The following NTM variants were observed in gnomAD, a reference collection of about 807,000 sequenced individuals.
The protein encoded by NTM is neurotrimin.
Under a neutral mutation model 42.1 loss-of-function variants are expected in NTM, and 13 were observed. The ratio of observed to expected loss-of-function variants is 0.31; its 90% CI spans 0.20 to 0.49. NTM has a LOEUF of 0.49. Ranked by LOEUF, NTM falls within the 20% of genes least tolerant of loss-of-function variation. The probability of loss-of-function intolerance (pLI) is 0.99; values close to 1 mark genes in which losing one functional copy is unlikely to be tolerated. For synonymous variants in NTM, 187 were observed against 179.2 expected, an observed-to-expected ratio of 1.04 and a Z score of -0.35; for missense variants, 373 against 452.8, an observed-to-expected ratio of 0.82 and a Z score of 1.60.
At chr11:131,651,514 G>A (rs1014962617) in intron 1 of NTM, among the ~76,000 whole-genome samples, 2 of 152,148 alleles carry the variant, frequency 1.3e-5, no homozygotes, top group Admixed American at 6.5e-5. Flanking sequence ...CGGGACTAGT[G>A]CATTTAAATC....
intron 1 of NTM, among the ~76,000 whole-genome samples, chr11:131,547,323 AAG>A (rs1349459953): frequency 2.6e-5 from 4 of 152,192 alleles, no homozygotes; most frequent in African/African-American, 9.7e-5. Flanking sequence ...ATTTAACAAA[AAG>A]AGAAAAGGGG....
intron 1 of NTM, among the ~76,000 whole-genome samples, chr11:131,444,104 A>C (rs1949830810): frequency 6.6e-6 from 1 of 151,904 alleles, no homozygotes; most frequent in South Asian, 2.1e-4. Flanking sequence ...ATAGTTAGTT[A>C]AAAGAATGAG....
At chr11:131,979,696 G>A (rs1425349045) in intron 2 of NTM, among the ~76,000 whole-genome samples, 1 of 152,190 alleles carries the variant, frequency 6.6e-6, no homozygotes, top group Non-Finnish European at 1.5e-5. Flanking sequence ...TGCCCAAAAG[G>A]CGGTACTACA....
chr11:132,111,865 A>G (rs866612590), intron 2 of NTM, among the ~76,000 whole-genome samples: 2 of 152,254 alleles, frequency 1.3e-5, no homozygotes, highest in South Asian at 2.1e-4. Flanking sequence ...ATGCTTCACC[A>G]CTAGTTTGAA....
chr11:132,260,981 C>G (rs1433692012), intron 4 of NTM, among the ~76,000 whole-genome samples: 1 of 152,130 alleles, frequency 6.6e-6, no homozygotes, highest in Non-Finnish European at 1.5e-5. Context: ...GAAATGGGGT[C>G]ATGGAAAGAG....
rs1158981818 is a variant in NTM, at chr11:131,789,424, AAGAAGGAAGAAGAAGAAG to A, written c.83-122138_83-122121del. Reference sequence around the variant, plus strand: ...ATTGCTGCAGTTAAAAGAAAAAAAGAAGAAGGAAGAAGAAGAAGAAGAAGAAGAAGAAGAAGAAGAAGA... The same window carrying A: ...ATTGCTGCAGTTAAAAGAAAAAAAGAAAGAAGAAGAAGAAGAAGAAGAAGA... On this transcript the variant is annotated intron_variant, in intron 1 of 8. Coordinates refer to ENST00000683400, the MANE Select transcript of NTM (RefSeq NM_001352005.2). Among the ~76,000 whole-genome samples, 2 of 22,078 alleles carry A rather than the reference AAGAAGGAAGAAGAAGAAG, an allele frequency of 9.1e-5. 1 individual carries two copies. Among genetic ancestry groups the A allele is most frequent in the Non-Finnish European group, 1.6e-4 (2 of 12,328 alleles). 14.5% of individuals were successfully genotyped at this position (22,078 alleles called of 152,430 possible).
chr11:132,233,675 T>C (rs1348311275), intron 4 of NTM, among the ~76,000 whole-genome samples: 1 of 152,230 alleles, frequency 6.6e-6, no homozygotes, highest in Non-Finnish European at 1.5e-5. Context: ...AGTGGAGTAG[T>C]TGCAACTAGA....
At chr11:132,110,637 G>A (rs1288193623) in intron 2 of NTM, among the ~76,000 whole-genome samples, 1 of 152,132 alleles carries the variant, frequency 6.6e-6, no homozygotes, top group Non-Finnish European at 1.5e-5. Flanking sequence ...AAAATATACT[G>A]TTATTTCTAA....
chr11:131,959,955 A>C (rs11600172), intron 2 of NTM, among the ~76,000 whole-genome samples: 42,119 of 152,126 alleles, frequency 0.28, 6,117 homozygotes, highest in Middle Eastern at 0.44. Context: ...TGCAGGTACA[A>C]CAGCATGTAC....
intron 1 of NTM, among the ~76,000 whole-genome samples, chr11:131,791,272 G>A (rs1370993394): frequency 2.0e-5 from 3 of 152,130 alleles, no homozygotes; most frequent in African/African-American, 7.2e-5. Context: ...AGATGAATAA[G>A]GTACTTGCAG....
chr11:132,072,928 T>A (rs907092746), intron 2 of NTM, among the ~76,000 whole-genome samples: 1 of 152,174 alleles, frequency 6.6e-6, no homozygotes, highest in Admixed American at 6.5e-5. Context: ...AATAAGCTTT[T>A]GACAAACACT....
chr11:131,371,187 A>G, intron 1 of NTM: 20 of 732,308 alleles, frequency 2.7e-5, no homozygotes, highest in Non-Finnish European at 3.3e-5. Context: ...TTGCACACAT[A>G]CACAACGGAG....
chr11:131,717,342 A>G (rs183388183), intron 1 of NTM, among the ~76,000 whole-genome samples: 1 of 152,314 alleles, frequency 6.6e-6, no homozygotes, highest in Non-Finnish European at 1.5e-5. Flanking sequence ...TTTTAACAAT[A>G]TTGAGTCTCA....
At chr11:132,052,819 C>A (rs373558613) in intron 2 of NTM, among the ~76,000 whole-genome samples, 3 of 149,938 alleles carry the variant, frequency 2.0e-5, no homozygotes, top group Non-Finnish European at 4.4e-5. Flanking sequence ...GCTCATTTAA[C>A]CTTTTAGTAA....
chr11:132,115,959 C>T (rs11222941), intron 2 of NTM, among the ~76,000 whole-genome samples: 1 of 152,328 alleles, frequency 6.6e-6, no homozygotes, highest in African/African-American at 2.4e-5. Flanking sequence ...CCTTGTAATG[C>T]TCTTTGCCCC....
At position 132,310,092 on chromosome 11, in the gene NTM, G is replaced by A; in HGVS notation, c.662-20G>A. On this transcript the variant is annotated intron_variant, in intron 5 of 8. Coordinates refer to ENST00000683400, the MANE Select transcript of NTM (RefSeq NM_001352005.2). Reference sequence around the variant, plus strand: ...AAAAAAAAGGTGGGGGGGCGGCTATGAGACATCTTCTTTTTGCAGATCCAC... The same window carrying A: ...AAAAAAAAGGTGGGGGGGCGGCTATAAGACATCTTCTTTTTGCAGATCCAC... 6.4e-7 allele frequency: 1 copy of A among 1,554,558 alleles called. No individual in the cohort carries two copies.
Position 131,951,475 on chromosome 11 carries a change from C to G in NTM, c.167+39827C>G, listed in dbSNP as rs141275150. ...CTCTCCACCCTATTAACCTGCTCCT[C>G]TGAATAAGGAGCTGTCCACACAGAA... On this transcript the variant is annotated intron_variant, in intron 2 of 8. Transcript: ENST00000683400. Among the ~76,000 whole-genome samples the G allele has an allele frequency of 3.7e-3, 557 of 152,280 alleles. 3 individuals are homozygous for G. The highest frequency in any genetic ancestry group is 0.012 in the African/African-American group (519 of 41,558).
Position 132,302,982 on chromosome 11 carries a change from C to T in NTM, c.527-4707C>T, listed in dbSNP as rs551328735. On this transcript the variant is annotated intron_variant, in intron 4 of 8. Coordinates refer to ENST00000683400, the MANE Select transcript of NTM (RefSeq NM_001352005.2). ...GTGGGTATGAGTGGGACCTAGAATT[C>T]TATATTTTAAGCAACTACTCTAGTG... is the stretch of plus-strand genomic sequence containing the variant. Among the ~76,000 whole-genome samples the T allele has an allele frequency of 1.1e-3, 161 of 152,324 alleles. 1 individual carries two copies. Among genetic ancestry groups the T allele is most frequent in the African/African-American group, 3.6e-3 (151 of 41,572 alleles).
chr11:131,610,872 G>T (rs575590859), intron 1 of NTM, among the ~76,000 whole-genome samples: 7 of 152,334 alleles, frequency 4.6e-5, no homozygotes, highest in African/African-American at 1.7e-4. Context: ...CCTGACATCA[G>T]TGGAGAAATG....
Sources: gnomAD v4.1 joint callset for allele counts (sites outside exome capture counted in the v4.1 genomes callset) on GRCh38, gnomAD v4.1.1 for gene constraint, MANE v1.5 for transcripts, NCBI Gene and HGNC (gene_info 2026-07-23, HGNC 2026-07-21) for gene names.